OARD1: variants seen among roughly 807,000 people sequenced by gnomAD.
The protein encoded by OARD1 is ADP-ribose glycohydrolase OARD1.
OARD1 carries 19 observed loss-of-function variants against 19.7 expected under a neutral mutation model. The observed-to-expected ratio is 0.96, with a 90% CI of 0.67 to 1.41. OARD1 has a LOEUF of 1.41. Among genes scored for constraint, OARD1 ranks in the 40% most tolerant of loss-of-function variants. OARD1 has a pLI of 0.00. For missense variants in OARD1, 190 were observed against 183.8 expected, an observed-to-expected ratio of 1.03 and a Z score of -0.20; for synonymous variants, 70 against 61.8, an observed-to-expected ratio of 1.13 and a Z score of -0.62.
intron 1 of OARD1, 125 bp from the exon 2 acceptor site, chr6:41,071,800 G>C (rs561812016): frequency 1.6e-6 from 1 of 619,860 alleles, no homozygotes; most frequent in Non-Finnish European, 2.9e-6. Flanking sequence ...GAGTTTGTTC[G>C]GCCCCTGGGA....
chr6:41,067,557 G>C (rs1763082062), intron 5 of OARD1, 120 bp from the exon 6 acceptor site: 1 of 636,794 alleles, frequency 1.6e-6, no homozygotes. Flanking sequence ...CACCCTTATG[G>C]GCAACCATGG....
At chr6:41,073,452 C>T (rs1763600373), upstream of OARD1, among the ~76,000 whole-genome samples, 1 of 152,026 alleles carries the variant, frequency 6.6e-6, no homozygotes, top group South Asian at 2.1e-4. Context: ...GACACATGCG[C>T]GCCCTGGGCC....
intron 1 of OARD1, among the ~76,000 whole-genome samples, chr6:41,081,646 G>A (rs547390371): frequency 6.6e-6 from 1 of 152,276 alleles, no homozygotes; most frequent in East Asian, 1.9e-4. Flanking sequence ...TATTCAAGGG[G>A]CAACTCAACT....
intron 1 of OARD1, chr6:41,090,116 A>T: frequency 1.1e-6 from 1 of 933,042 alleles, no homozygotes; most frequent in Admixed American, 2.3e-5. Context: ...TCTGTCTCAA[A>T]AAAATAATTT....
chr6:41,075,155 T>G (rs1284328042), upstream of OARD1: 1 of 152,214 alleles, frequency 6.6e-6, no homozygotes, highest in Non-Finnish European at 1.5e-5. Context: ...GCTTAAGTAG[T>G]CTAAAAAACA....
intron 1 of OARD1, among the ~76,000 whole-genome samples, chr6:41,096,679 A>G (rs943211528): frequency 6.6e-6 from 1 of 152,222 alleles, no homozygotes; most frequent in Non-Finnish European, 1.5e-5. Flanking sequence ...GTATGGGGGA[A>G]CTAAAGGTGG....
intron 1 of OARD1, among the ~76,000 whole-genome samples, chr6:41,078,297 A>G (rs1057462390): frequency 2.0e-5 from 3 of 152,218 alleles, no homozygotes; most frequent in African/African-American, 7.2e-5. Context: ...GTGTGGATTT[A>G]TGGAGAGTGG....
At chr6:41,068,504 G>A (rs1763143085) in intron 5 of OARD1, among the ~76,000 whole-genome samples, 1 of 152,206 alleles carries the variant, frequency 6.6e-6, no homozygotes, top group Non-Finnish European at 1.5e-5. Flanking sequence ...TGATTCTTTA[G>A]CTTACATTGC....
intron 1 of OARD1, chr6:41,083,919 AT>A: frequency 1.1e-6 from 1 of 884,608 alleles, no homozygotes; most frequent in South Asian, 2.1e-5. Context: ...TGAGACATAT[AT>A]TTTCTTAGTC....
chr6:41,097,610 T>C (rs1582040648), intron 1 of OARD1: 1 of 567,558 alleles, frequency 1.8e-6, no homozygotes, highest in Non-Finnish European at 3.2e-6. Context: ...TGTCTTACTC[T>C]TTCAGTCAGG....
chr6:41,080,989 G>A, intron 1 of OARD1: 2 of 983,578 alleles, frequency 2.0e-6, no homozygotes, highest in East Asian at 2.5e-5. Context: ...CAGTAGGAAT[G>A]GCAAAGTCAG....
intron 1 of OARD1, chr6:41,092,966 G>A (rs1335303116): frequency 6.2e-7 from 1 of 1,614,058 alleles, no homozygotes; most frequent in Non-Finnish European, 8.5e-7. Context: ...TCTACCTGGA[G>A]CAGAGATGCT....
chr6:41,071,343 G>A, intron 2 of OARD1, 67 bp from the exon 3 acceptor site: 1 of 1,496,244 alleles, frequency 6.7e-7, no homozygotes, highest in Non-Finnish European at 9.2e-7. Flanking sequence ...CTATTTTTCT[G>A]TATTTTGTGT....
intron 1 of OARD1, chr6:41,097,416 C>T (rs148809160): frequency 1.4e-5 from 23 of 1,613,740 alleles, no homozygotes; most frequent in African/African-American, 6.7e-5. Flanking sequence ...CCTAACCCCA[C>T]GCCATGTGAT....
In OARD1 at chr6:41,079,249, A is replaced by G. The variant is rs1421976554; in HGVS notation, c.-41-7574T>C. On this transcript the variant is annotated intron_variant, in intron 1 of 4. Transcript: ENST00000480585. ...ATTGGTTGGTCTATTGCCCTGGGGA[A>G]TTATTTGAAAGATACCAGATCTTGT... 1.4e-5 allele frequency: 18 copies of G among 1,271,396 alleles called. 1 individual carries two copies. The East Asian group carries it at 2.8e-4, about 20-fold the overall frequency. The allele number at this position is 1,271,396 out of a possible 1,614,324, so 78.8% of individuals were successfully genotyped here. A position where few individuals can be genotyped will look rare whatever the true frequency, so the allele number is the denominator to read the frequency against.
upstream of OARD1, among the ~76,000 whole-genome samples, chr6:41,077,449 G>T (rs1407765807): frequency 6.6e-6 from 1 of 152,090 alleles, no homozygotes; most frequent in Admixed American, 6.5e-5. Context: ...TCTGTCTCTA[G>T]ATTACTGATG....
chr6:41,090,657 T>G (rs762017961), intron 1 of OARD1, among the ~76,000 whole-genome samples: 8 of 152,214 alleles, frequency 5.3e-5, no homozygotes, highest in Non-Finnish European at 8.8e-5. Context: ...GCTGCTTATG[T>G]TTTTTTCTGG....
intron 3 of OARD1, among the ~76,000 whole-genome samples, 154 bp from the exon 4 acceptor site, chr6:41,070,288 A>T (rs1763264215): frequency 2.0e-5 from 3 of 152,170 alleles, no homozygotes; most frequent in African/African-American, 7.2e-5. Flanking sequence ...TCCCACAAAC[A>T]CTTTGCTTTT....
intron 1 of OARD1, chr6:41,093,156 A>G (rs900295552): frequency 3.6e-6 from 5 of 1,404,048 alleles, no homozygotes; most frequent in African/African-American, 1.4e-5. Flanking sequence ...TATCTTTTAT[A>G]TGGCTTGTTT....
Sources: gnomAD v4.1 joint callset for allele counts (sites outside exome capture counted in the v4.1 genomes callset) on GRCh38, gnomAD v4.1.1 for gene constraint, MANE v1.5 for transcripts, NCBI Gene and HGNC (gene_info 2026-07-23, HGNC 2026-07-21) for gene names.